Variants in TOGARAM2 observed in about 807,000 individuals in gnomAD.
The protein encoded by TOGARAM2 is TOG array regulator of axonemal microtubules 2, also known as TOG array regulator of axonemal microtubules protein 2.
In TOGARAM2, 85 loss-of-function variants were observed where a neutral mutation model predicts 93.3. The observed-to-expected ratio is 0.91, with a 90% confidence interval of 0.76 to 1.09. TOGARAM2 has a LOEUF of 1.09. Ranked by LOEUF, TOGARAM2 falls within the 50% of genes least tolerant of loss-of-function variation. The probability of loss-of-function intolerance (pLI) is 0.00; values close to 1 mark genes in which losing one functional copy is unlikely to be tolerated. For missense variants in TOGARAM2, 1,277 were observed against 1,334.5 expected (o/e 0.96, Z 0.67); for synonymous variants, 593 against 552.8 (o/e 1.07, Z -1.02).
At chr2:29,045,438 C>CCCCCA in intron 19 of TOGARAM2, 28 bp downstream of exon 19, 2 of 1,579,656 alleles carry the variant, frequency 1.3e-6, no homozygotes, top group Non-Finnish European at 1.7e-6. Context: ...CACCCCACCC[C>CCCCCA]ATCTCCTGGC....
rs1274200867 is a variant in TOGARAM2, at chr2:29,026,837, C to T, written c.1854-16C>T. On this transcript the variant is annotated splice_polypyrimidine_tract_variant and intron_variant, in intron 13 of 19. Transcript: ENST00000379558. ...ACTATCCTGAGACTGACCCCTGGGC[C>T]ATGATTTCCTTTCAGCCACCGGAAC... 1.3e-6 allele frequency: 2 copies of T among 1,571,894 alleles called. No homozygotes were observed. Among genetic ancestry groups the T allele is most frequent in the East Asian group, 2.3e-5 (1 of 43,252 alleles).
intron 10 of TOGARAM2, among the ~76,000 whole-genome samples, chr2:29,019,322 A>G (rs1396890765): frequency 6.6e-6 from 1 of 151,532 alleles, no homozygotes; most frequent in Non-Finnish European, 1.5e-5. Flanking sequence ...GGTGCATGCC[A>G]CCATGGCCCG....
chr2:28,980,996 G>C (rs538406083), upstream of TOGARAM2, among the ~76,000 whole-genome samples: 4 of 152,216 alleles, frequency 2.6e-5, no homozygotes, highest in African/African-American at 4.8e-5. Flanking sequence ...GCCTCTAGGA[G>C]AGTTAGTAAA....
chr2:28,977,745 G>A (rs576011535), upstream of TOGARAM2, among the ~76,000 whole-genome samples: 3 of 152,284 alleles, frequency 2.0e-5, no homozygotes, highest in Admixed American at 1.3e-4. Context: ...CAGGAGAGGG[G>A]CGGGCAGTTA....
chr2:28,958,433 G>A (rs893100512), intron 1 of TOGARAM2, among the ~76,000 whole-genome samples: 9 of 151,930 alleles, frequency 5.9e-5, no homozygotes, highest in African/African-American at 2.2e-4. Flanking sequence ...AGCCTCCCGA[G>A]TAGCTGGGAC....
intron 6 of TOGARAM2, among the ~76,000 whole-genome samples, chr2:29,005,930 G>C (rs1045544357): frequency 1.5e-5 from 2 of 129,894 alleles, no homozygotes; most frequent in Admixed American, 1.5e-4. Flanking sequence ...TGTGTGTGGA[G>C]TGTGTGTGTG....
At chr2:29,011,001 G>A (rs1299421132) in intron 6 of TOGARAM2, among the ~76,000 whole-genome samples, 2 of 152,146 alleles carry the variant, frequency 1.3e-5, no homozygotes, top group African/African-American at 4.8e-5. Flanking sequence ...TTACAATCAC[G>A]AGTGGGACTA....
intron 6 of TOGARAM2, among the ~76,000 whole-genome samples, chr2:29,006,126 CAT>C (rs1491276223): frequency 2.3e-3 from 91 of 39,334 alleles, no homozygotes; most frequent in Admixed American, 5.0e-3. Flanking sequence ...TATGTGTGTG[CAT>C]GTGTGTGAGA....
In TOGARAM2 at chr2:29,026,902, G is replaced by A. The variant is rs771502029; in HGVS notation, c.1903G>A (p.Val635Met). 8 of 1,592,962 alleles carry A rather than the reference G, an allele frequency of 5.0e-6. No individual in the cohort carries two copies. The highest frequency in any genetic ancestry group is 1.7e-5 in the Admixed American group (1 of 57,210). ...RKYAAEHLSA[V>M]LEQIGAEKLL... The stretch of plus-strand genomic sequence containing the variant: ...ATACGCGGCTGAGCACCTCTCAGCT[G>A]TGCTGGAGCAGATCGGCGCTGAGAA... Residue 635 changes from valine (V) to methionine (M), a missense_variant, in exon 14 of 20, where the codon GTG (valine) becomes ATG (methionine). Physicochemically the swap from Val to Met is conservative, Grantham distance 21. Transcript: ENST00000379558.
chr2:29,010,411 G>A (rs1664169600), intron 6 of TOGARAM2, among the ~76,000 whole-genome samples: 1 of 152,106 alleles, frequency 6.6e-6, no homozygotes, highest in Non-Finnish European at 1.5e-5. Flanking sequence ...GGCCCTGGGA[G>A]CAATGGCGAA....
intron 1 of TOGARAM2, among the ~76,000 whole-genome samples, chr2:28,989,208 C>T (rs1404372236): frequency 6.6e-6 from 1 of 151,990 alleles, no homozygotes; most frequent in Non-Finnish European, 1.5e-5. Context: ...TGCTACCACA[C>T]CCAGCTAATT....
intron 6 of TOGARAM2, among the ~76,000 whole-genome samples, chr2:29,008,624 T>G (rs1173258866): frequency 6.6e-6 from 1 of 152,034 alleles, no homozygotes; most frequent in East Asian, 1.9e-4. Context: ...GCCCGGCTAA[T>G]TTTTGTATTT....
At chr2:28,961,522 G>A (rs928911680) in intron 1 of TOGARAM2, among the ~76,000 whole-genome samples, 1 of 151,986 alleles carries the variant, frequency 6.6e-6, no homozygotes, top group African/African-American at 2.4e-5. Context: ...TTGTATTTTA[G>A]TAGAGATGGG....
At chr2:28,979,765 C>G (rs1262647569), upstream of TOGARAM2, among the ~76,000 whole-genome samples, 1 of 152,206 alleles carries the variant, frequency 6.6e-6, no homozygotes, top group Non-Finnish European at 1.5e-5. Flanking sequence ...GGTGCTAAGT[C>G]TGGCCCTTAC....
Position 28,998,192 on chromosome 2 carries a change from C to T in TOGARAM2, c.78C>T (p.Thr26=). 6.2e-7 allele frequency: 1 copy of T among 1,612,232 alleles called. No homozygotes were observed. Among genetic ancestry groups the T allele is most frequent in the Non-Finnish European group, 8.5e-7 (1 of 1,179,278 alleles). Residue 26 remains threonine (T), a synonymous_variant, in exon 3 of 20, where the codon ACC becomes ACT. Transcript: ENST00000379558. ...VAVYCGSIPR[T]SAGPRVLPPG... is the part of the protein sequence containing the mutation. Reference sequence around the variant, plus strand: ...TGTACTGCGGGAGCATCCCTCGGACCAGTGCTGGGCCCCGGGTGCTCCCGC... The same window carrying T: ...TGTACTGCGGGAGCATCCCTCGGACTAGTGCTGGGCCCCGGGTGCTCCCGC...
Position 29,024,318 on chromosome 2 carries a change from G to T in TOGARAM2, c.1797G>T (p.Met599Ile). 1 of 1,613,026 alleles carries T rather than the reference G, an allele frequency of 6.2e-7. No individual in the cohort carries two copies. The highest frequency in any genetic ancestry group is 1.1e-5 in the South Asian group (1 of 90,740). Residue 599 changes from methionine (M) to isoleucine (I), a missense_variant, in exon 13 of 20, where the codon ATG (methionine) becomes ATT (isoleucine). Met to Ile is a conservative substitution (Grantham distance 10). Transcript: ENST00000379558. ...CAGCCGGCCAGTCTCTGAGGGCTAT[G>T]GTGGAGAATGTGACCCTTGCCCGCT... is the stretch of plus-strand genomic sequence containing the variant. The part of the protein sequence containing the change: ...QRAAGQSLRA[M>I]VENVTLARSL...
intron 10 of TOGARAM2, among the ~76,000 whole-genome samples, chr2:29,020,503 C>G (rs749483074): frequency 6.6e-6 from 1 of 152,180 alleles, no homozygotes; most frequent in Non-Finnish European, 1.5e-5. Flanking sequence ...CCAGAAGGCA[C>G]AAATACGAAC....
intron 1 of TOGARAM2, among the ~76,000 whole-genome samples, chr2:28,987,731 G>A (rs573010114): frequency 6.6e-6 from 1 of 152,336 alleles, no homozygotes; most frequent in Admixed American, 6.5e-5. Context: ...AGAACAGAGT[G>A]GCTACAGGAG....
At chr2:28,982,166 C>T (rs1330714866) in intron 1 of TOGARAM2, among the ~76,000 whole-genome samples, 4 of 152,212 alleles carry the variant, frequency 2.6e-5, no homozygotes, top group East Asian at 1.9e-4. Context: ...GCAGCTGGCA[C>T]GTTAGCCCAT....
Sources: gnomAD v4.1 joint callset for allele counts (sites outside exome capture counted in the v4.1 genomes callset) on GRCh38, gnomAD v4.1.1 for gene constraint, MANE v1.5 for transcripts, NCBI Gene and HGNC (gene_info 2026-07-23, HGNC 2026-07-21) for gene names.